MTX2: variants seen among roughly 807,000 people sequenced by gnomAD.
MTX2 encodes metaxin 2.
A neutral mutation model predicts 42.3 loss-of-function variants in MTX2; 35 were observed. That is an observed-to-expected ratio of 0.83 (90% CI 0.63 to 1.10). The LOEUF (loss-of-function observed/expected upper bound fraction) is 1.10, where lower values mean the gene tolerates loss of function less well. MTX2 is among the 50% of genes least tolerant of loss of function. The pLI, the probability that MTX2 is intolerant of heterozygous loss-of-function variation, is 0.00. For synonymous variants in MTX2, 119 were observed against 100.9 expected, an observed-to-expected ratio of 1.18 and a Z score of -1.08; for missense variants, 307 against 304.1, an observed-to-expected ratio of 1.01 and a Z score of -0.07.
In MTX2 at chr2:176,305,825, A is replaced by G. The variant is rs183038802; in HGVS notation, c.135+7930A>G. Among the ~76,000 whole-genome samples the G allele has an allele frequency of 1.4e-3, 213 of 152,240 alleles. 2 individuals are homozygous for G. Among genetic ancestry groups the G allele is most frequent in the Admixed American group, 3.9e-3 (60 of 15,286 alleles). On this transcript the variant is annotated intron_variant, in intron 3 of 9. Coordinates refer to ENST00000249442, the MANE Select transcript of MTX2 (RefSeq NM_006554.5). ...GATATGTCTTCAAATGTTCTCTCAAATAACATTTCATATTTTTTGGTAATA... is the reference window on the plus strand; with the variant it reads ...GATATGTCTTCAAATGTTCTCTCAAGTAACATTTCATATTTTTTGGTAATA...
At chr2:176,337,169 G>A (rs1171055345) in intron 9 of MTX2, among the ~76,000 whole-genome samples, 1 of 151,998 alleles carries the variant, frequency 6.6e-6, no homozygotes, top group Non-Finnish European at 1.5e-5. Flanking sequence ...AGCCTCCCGT[G>A]TAGCTAGGAC....
At chr2:176,311,178 G>C (rs941421235) in intron 3 of MTX2, among the ~76,000 whole-genome samples, 15 of 152,144 alleles carry the variant, frequency 9.9e-5, no homozygotes, top group Non-Finnish European at 1.2e-4. Flanking sequence ...GTCTGTTGGA[G>C]TTTGCTGGAG....
intron 3 of MTX2, among the ~76,000 whole-genome samples, chr2:176,318,725 AGAT>A (rs1319417600): frequency 3.3e-5 from 5 of 152,220 alleles, no homozygotes; most frequent in African/African-American, 1.2e-4. Flanking sequence ...AATCACTTTC[AGAT>A]GATGTCAGCC....
intron 1 of MTX2, among the ~76,000 whole-genome samples, chr2:176,281,582 A>G (rs998758434): frequency 1.3e-5 from 2 of 152,188 alleles, no homozygotes; most frequent in Non-Finnish European, 2.9e-5. Flanking sequence ...CACTTCCACA[A>G]TATTCTGTGG....
intron 1 of MTX2, among the ~76,000 whole-genome samples, chr2:176,292,379 A>G (rs1430270364): frequency 6.6e-6 from 1 of 152,216 alleles, no homozygotes; most frequent in Non-Finnish European, 1.5e-5. Flanking sequence ...TCCTTTTAAA[A>G]TGCCACAGAT....
At chr2:176,284,517 C>G (rs1201955998) in intron 1 of MTX2, among the ~76,000 whole-genome samples, 3 of 152,154 alleles carry the variant, frequency 2.0e-5, no homozygotes, top group Non-Finnish European at 4.4e-5. Context: ...TTCATAATTA[C>G]TAACTTATTT....
At chr2:176,277,846 A>G (rs558834948) in intron 1 of MTX2, among the ~76,000 whole-genome samples, 1 of 152,000 alleles carries the variant, frequency 6.6e-6, no homozygotes, top group Admixed American at 6.6e-5. Flanking sequence ...AAAAAAAAAC[A>G]TATTAGTCAT....
At position 176,279,327 on chromosome 2, in the gene MTX2, A is replaced by G. The variant is rs570854725; in HGVS notation, c.40+9658A>G. 3.9e-5 allele frequency among the ~76,000 whole-genome samples: 6 copies of G among 152,258 alleles called. No individual in the cohort carries two copies. In the East Asian group the frequency reaches 9.6e-4, roughly 24 times the overall value. On this transcript the variant is annotated intron_variant, in intron 1 of 9. Coordinates refer to ENST00000249442, the MANE Select transcript of MTX2 (RefSeq NM_006554.5). ...TTTAGAGCACTAATCAGAACTTTATATGAATAAATTGTGTCATTTGTATAA... is the reference window on the plus strand; with the variant it reads ...TTTAGAGCACTAATCAGAACTTTATGTGAATAAATTGTGTCATTTGTATAA...
At chr2:176,308,500 G>A (rs1004645121) in intron 3 of MTX2, among the ~76,000 whole-genome samples, 3 of 152,140 alleles carry the variant, frequency 2.0e-5, no homozygotes, top group African/African-American at 7.2e-5. Context: ...GGTAGAATTT[G>A]TCTGTGAATC....
chr2:176,291,968 C>T (rs1276913388), intron 1 of MTX2, among the ~76,000 whole-genome samples: 1 of 152,032 alleles, frequency 6.6e-6, no homozygotes, highest in Non-Finnish European at 1.5e-5. Flanking sequence ...CTAAGTAGAG[C>T]CCTGTAGGCC....
chr2:176,319,537 G>A (rs376982906), intron 3 of MTX2, among the ~76,000 whole-genome samples: 48 of 150,800 alleles, frequency 3.2e-4, no homozygotes, highest in African/African-American at 1.1e-3. Flanking sequence ...TGCTATAGGT[G>A]CCTGCCACCA....
chr2:176,277,321 GTA>G (rs1327333836), intron 1 of MTX2, among the ~76,000 whole-genome samples: 1 of 152,184 alleles, frequency 6.6e-6, no homozygotes. Context: ...GAAAATGATG[GTA>G]AAGGCTTGTA....
intron 3 of MTX2, among the ~76,000 whole-genome samples, chr2:176,321,827 G>A (rs1179427345): frequency 1.3e-5 from 2 of 151,844 alleles, no homozygotes; most frequent in African/African-American, 4.8e-5. Context: ...GTAGGGAAAG[G>A]AGAGAACATA....
intron 3 of MTX2, among the ~76,000 whole-genome samples, chr2:176,301,003 A>G (rs1043443022): frequency 2.0e-5 from 3 of 152,148 alleles, no homozygotes; most frequent in South Asian, 4.1e-4. Flanking sequence ...TGAAAACACT[A>G]GAGTAATTGA....
rs906230164 is a variant in MTX2, at chr2:176,269,488, G to T, written c.-142G>T. 14 of 932,676 alleles carry T rather than the reference G, an allele frequency of 1.5e-5. No homozygotes were observed. Among genetic ancestry groups the T allele is most frequent in the Non-Finnish European group, 2.0e-5 (13 of 659,504 alleles). The allele number at this position is 932,676 out of a possible 1,614,324, so 57.8% of individuals were successfully genotyped here. A position where few individuals can be genotyped will look rare whatever the true frequency, so the allele number is the denominator to read the frequency against. ...TAACCTTGGGGGCCTCACTGCAGCCGCCGCTGCTGTTGGAGTGGGCTTTGC... is the reference window on the plus strand; with the variant it reads ...TAACCTTGGGGGCCTCACTGCAGCCTCCGCTGCTGTTGGAGTGGGCTTTGC... On this transcript the variant is annotated 5_prime_UTR_variant, in exon 1 of 10. Transcript: ENST00000249442.
At position 176,269,469 on chromosome 2, in the gene MTX2, TG is replaced by T. The variant is rs1692738685; in HGVS notation, c.-156del. On this transcript the variant is annotated 5_prime_UTR_variant, in exon 1 of 10. Transcript: ENST00000249442. Reference sequence around the variant, plus strand: ...CCCTAGCCAGGCCTGGCGGTAACCTTGGGGGCCTCACTGCAGCCGCCGCTGC... The same window carrying T: ...CCCTAGCCAGGCCTGGCGGTAACCTTGGGGCCTCACTGCAGCCGCCGCTGC... The T allele has an allele frequency of 4.0e-6, 3 of 741,990 alleles. 1 individual carries two copies. In the Admixed American group the frequency reaches 1.1e-4, roughly 26 times the overall value. The allele number at this position is 741,990 out of a possible 1,614,324, so 46.0% of individuals were successfully genotyped here.
rs750590378 is a variant in MTX2 at position 176,329,297 on chromosome 2, T to G, written c.418-4T>G. 5 of 1,595,450 alleles carry G rather than the reference T, an allele frequency of 3.1e-6. No individual in the cohort carries two copies. In the Admixed American group the frequency reaches 7.0e-5, roughly 22 times the overall value. ...ACCTTTTTTACAAAATCTTTTTACT[T>G]TAGATCACTCATGCTAGGTATGGAT... On this transcript the variant is annotated splice_region_variant and splice_polypyrimidine_tract_variant and intron_variant, in intron 7 of 9. Transcript: ENST00000249442.
chr2:176,322,782 T>C (rs1684616099), intron 3 of MTX2, among the ~76,000 whole-genome samples: 1 of 152,008 alleles, frequency 6.6e-6, no homozygotes, highest in Admixed American at 6.6e-5. Context: ...ATAGTTTGGA[T>C]TTACTATAAT....
intron 3 of MTX2, among the ~76,000 whole-genome samples, chr2:176,314,477 A>G (rs1417449527): frequency 6.6e-6 from 1 of 151,962 alleles, no homozygotes. Context: ...TTTCTGTAAA[A>G]TAATTGGGTT....
Sources: gnomAD v4.1 joint callset for allele counts (sites outside exome capture counted in the v4.1 genomes callset) on GRCh38, gnomAD v4.1.1 for gene constraint, MANE v1.5 for transcripts, NCBI Gene and HGNC (gene_info 2026-07-23, HGNC 2026-07-21) for gene names.